Variants in METTL21C observed in about 807,000 individuals in gnomAD.
METTL21C encodes the protein methyltransferase 21C, AARS1 lysine.
A neutral mutation model predicts 25.9 loss-of-function variants in METTL21C; 21 were observed. That is an observed-to-expected ratio of 0.81 (90% CI 0.58 to 1.17). The LOEUF is 1.17. Ranked by LOEUF, METTL21C falls within the 50% of genes most tolerant of loss-of-function variation. The pLI is 0.00. For synonymous variants in METTL21C, 125 were observed against 124.7 expected (o/e 1.00, Z -0.01); for missense variants, 312 against 315.1 (o/e 0.99, Z 0.07).
intron 1 of METTL21C, among the ~76,000 whole-genome samples, chr13:102,694,027 A>C (rs1595246383): frequency 6.6e-6 from 1 of 152,226 alleles, no homozygotes; most frequent in Non-Finnish European, 1.5e-5. Context: ...AAAGCTACCA[A>C]GAATGTATTT....
At chr13:102,689,655 A>T (rs1241105053) in intron 2 of METTL21C, among the ~76,000 whole-genome samples, 1 of 152,226 alleles carries the variant, frequency 6.6e-6, no homozygotes, top group Admixed American at 6.5e-5. Flanking sequence ...ATCACTGACA[A>T]CATCCGCAGT....
intron 2 of METTL21C, among the ~76,000 whole-genome samples, chr13:102,690,426 A>G (rs1415355372): frequency 1.5e-5 from 2 of 137,318 alleles, no homozygotes; most frequent in Non-Finnish European, 3.2e-5. Context: ...ATCTCAAAAG[A>G]AAAAAAAAAA....
chr13:102,700,309 T>C, the METTL21C span, among the ~76,000 whole-genome samples: 1 of 152,230 alleles, frequency 6.6e-6, no homozygotes, highest in Non-Finnish European at 1.5e-5. Context: ...GCCAGTGTGT[T>C]GCCTTGATAG....
intron 2 of METTL21C, among the ~76,000 whole-genome samples, chr13:102,687,268 G>A (rs937691327): frequency 2.6e-5 from 4 of 152,178 alleles, no homozygotes; most frequent in Admixed American, 2.6e-4. Context: ...TGGGGAAAAA[G>A]ATTTGTTAAA....
the METTL21C span, among the ~76,000 whole-genome samples, chr13:102,701,149 T>C: frequency 6.6e-6 from 1 of 151,814 alleles, no homozygotes; most frequent in African/African-American, 2.4e-5. Flanking sequence ...GGAGAGACGT[T>C]CTCCCATGAG....
chr13:102,686,877 A>T, intron 3 of METTL21C, 63 bp downstream of exon 3: 1 of 1,310,042 alleles, frequency 7.6e-7, no homozygotes, highest in Non-Finnish European at 1.1e-6. Flanking sequence ...GTCATAGAGT[A>T]AGCACTTGCT....
chr13:102,692,221 G>A (rs921851196), intron 1 of METTL21C, among the ~76,000 whole-genome samples: 1 of 152,194 alleles, frequency 6.6e-6, no homozygotes, highest in African/African-American at 2.4e-5. Context: ...TGGAAGGCAG[G>A]AGGAGGTGAA....
chr13:102,685,748 T>C lies in METTL21C; in HGVS notation c.*283A>G. 3.4e-6 allele frequency: 1 copy of C among 298,378 alleles called. No homozygotes were observed. The allele number at this position is 298,378 out of a possible 1,614,324, so 18.5% of individuals were successfully genotyped here. Reference sequence around the variant, plus strand: ...AGAAATAGGGAAGAAATTCACTTATTACTTTATCCATGTAAGATTTATTAA... The same window carrying C: ...AGAAATAGGGAAGAAATTCACTTATCACTTTATCCATGTAAGATTTATTAA... On this transcript the variant is annotated 3_prime_UTR_variant, in exon 4 of 4. Coordinates refer to ENST00000267273, the MANE Select transcript of METTL21C (RefSeq NM_001010977.3).
chr13:102,694,625 G>C lies in METTL21C; in HGVS notation c.-127C>G, dbSNP rs889891106. 1.9e-5 allele frequency: 4 copies of C among 214,924 alleles called. No homozygotes were observed. The Admixed American group carries it at 3.2e-4, about 17-fold the overall frequency. The allele number at this position is 214,924 out of a possible 1,614,324, so 13.3% of individuals were successfully genotyped here. A position where few individuals can be genotyped will look rare whatever the true frequency, so the allele number is the denominator to read the frequency against. On this transcript the variant is annotated 5_prime_UTR_variant, in exon 1 of 4. Transcript: ENST00000267273. ...ACATCGCATGTTCGTAATTAATACA[G>C]AATTGGAAATGACTCCTTGTTAGTA... is the stretch of plus-strand genomic sequence containing the variant.
chr13:102,699,090 G>T (rs1233335894), upstream of METTL21C, among the ~76,000 whole-genome samples: 1 of 152,178 alleles, frequency 6.6e-6, no homozygotes, highest in Admixed American at 6.5e-5. Context: ...AAACCACGAA[G>T]AGCAGGCTGG....
chr13:102,686,806 G>A (rs1025114774), intron 3 of METTL21C, 134 bp downstream of exon 3: 43 of 679,970 alleles, frequency 6.3e-5, no homozygotes, highest in South Asian at 5.9e-4. Context: ...AATTCCTGCC[G>A]CATGACATTT....
Position 102,685,895 on chromosome 13 carries a change from G to T in METTL21C, c.*136C>A. On this transcript the variant is annotated 3_prime_UTR_variant, in exon 4 of 4. Transcript: ENST00000267273. Reference sequence around the variant, plus strand: ...GAAATTAGAAAGTTTCTGCAGTATTGTTACATTTGTTCCAAGTATACAAGT... The same window carrying T: ...GAAATTAGAAAGTTTCTGCAGTATTTTTACATTTGTTCCAAGTATACAAGT... The T allele has an allele frequency of 2.6e-6, 2 of 755,350 alleles. No homozygotes were observed. Among genetic ancestry groups the T allele is most frequent in the Non-Finnish European group, 4.1e-6 (2 of 491,374 alleles). The allele number at this position is 755,350 out of a possible 1,614,324, so 46.8% of individuals were successfully genotyped here. A position where few individuals can be genotyped will look rare whatever the true frequency, so the allele number is the denominator to read the frequency against.
At chr13:102,697,792 G>A (rs961168666), upstream of METTL21C, among the ~76,000 whole-genome samples, 8 of 152,130 alleles carry the variant, frequency 5.3e-5, no homozygotes, top group South Asian at 2.1e-4. Context: ...GAAAGTGGAC[G>A]CAACCCAGGG....
At chr13:102,703,100 G>A in the METTL21C span, among the ~76,000 whole-genome samples, 1 of 152,142 alleles carries the variant, frequency 6.6e-6, no homozygotes, top group South Asian at 2.1e-4. Context: ...GTGGGATAGA[G>A]GTAACATGAG....
upstream of METTL21C, among the ~76,000 whole-genome samples, chr13:102,698,183 T>A (rs192557089): frequency 6.3e-4 from 96 of 152,184 alleles, no homozygotes; most frequent in Non-Finnish European, 1.2e-3. Flanking sequence ...ATCTTGTATG[T>A]TGTTCAAACA....
intron 1 of METTL21C, 140 bp from the exon 2 acceptor site, chr13:102,691,104 C>A (rs1656483348): frequency 4.2e-6 from 4 of 954,204 alleles, no homozygotes; most frequent in Non-Finnish European, 6.2e-6. Flanking sequence ...AGGAGAACGG[C>A]TGCAAATTGG....
At position 102,694,873 on chromosome 13, in the gene METTL21C, T is replaced by TTCTCTCTCTC. The variant is rs111474584; in HGVS notation, c.-385_-376dup. Among the ~76,000 whole-genome samples the TTCTCTCTCTC allele has an allele frequency of 7.5e-4, 96 of 128,288 alleles. No homozygotes were observed. The highest frequency in any genetic ancestry group is 1.7e-3 in the African/African-American group (57 of 33,770). The allele number at this position is 128,288 out of a possible 152,430, so 84.2% of individuals were successfully genotyped here. The stretch of plus-strand genomic sequence containing the variant: ...ATTACTTTGCTAGAATTCTCTCTCT[T>TTCTCTCTCTC]TCTCTCTCTCTCTCTCTCTCTCTCT... On this transcript the variant is annotated 5_prime_UTR_variant, in exon 1 of 4. Transcript: ENST00000267273.
intron 2 of METTL21C, among the ~76,000 whole-genome samples, chr13:102,688,329 C>T (rs921736514): frequency 7.2e-5 from 11 of 152,344 alleles, no homozygotes; most frequent in South Asian, 2.1e-4. Flanking sequence ...ATGAATATGA[C>T]GCAGTCACCT....
At chr13:102,696,873 A>T (rs1170214231), upstream of METTL21C, among the ~76,000 whole-genome samples, 1 of 152,198 alleles carries the variant, frequency 6.6e-6, no homozygotes, top group Non-Finnish European at 1.5e-5. Flanking sequence ...CTGAGTGCCC[A>T]AGCAGCCACG....
Sources: allele counts gnomAD v4.1 joint callset (sites outside exome capture counted in the v4.1 genomes callset), GRCh38; gene constraint gnomAD v4.1.1; transcripts MANE v1.5; gene names NCBI Gene and HGNC (gene_info 2026-07-23, HGNC 2026-07-21).